EPB41L2: variants seen among roughly 807,000 people sequenced by gnomAD.
The protein encoded by EPB41L2 is erythrocyte membrane protein band 4.1 like 2, also known as band 4.1-like protein 2.
Under a neutral mutation model 113.0 loss-of-function variants are expected in EPB41L2, and 43 were observed. That is an observed-to-expected ratio of 0.38 (90% confidence interval 0.30 to 0.49). The LOEUF (loss-of-function observed/expected upper bound fraction) is 0.49. EPB41L2 is among the 20% of genes least tolerant of loss of function. The pLI is 0.95. For missense variants in EPB41L2, 1,147 were observed against 1,223.4 expected, an observed-to-expected ratio of 0.94 and a Z score of 0.93; for synonymous variants, 442 against 436.7, an observed-to-expected ratio of 1.01 and a Z score of -0.15.
chr6:130,931,846 G>A (rs537452950), intron 3 of EPB41L2, among the ~76,000 whole-genome samples: 4 of 151,958 alleles, frequency 2.6e-5, no homozygotes, highest in Admixed American at 1.3e-4. Context: ...TTAACAATAC[G>A]GAAGAAAAGT....
chr6:130,883,024 G>A (rs1456188621), intron 12 of EPB41L2: 1 of 152,686 alleles, frequency 6.5e-6, no homozygotes, highest in East Asian at 1.9e-4. Flanking sequence ...GCTCTAAGCT[G>A]TCTAGTGTGA....
chr6:130,853,760 G>A (rs1239666158), intron 19 of EPB41L2, among the ~76,000 whole-genome samples: 2 of 152,148 alleles, frequency 1.3e-5, no homozygotes, highest in East Asian at 3.9e-4. Flanking sequence ...ATCAGGTCAG[G>A]AGGAGAGCTT....
intron 1 of EPB41L2, among the ~76,000 whole-genome samples, chr6:131,011,096 C>T (rs554775761): frequency 2.2e-4 from 33 of 152,264 alleles, no homozygotes; most frequent in Middle Eastern, 3.4e-3. Flanking sequence ...CAAAATTTAG[C>T]GACTGGCTAT....
At chr6:130,902,452 A>G (rs1776591993) in intron 6 of EPB41L2, among the ~76,000 whole-genome samples, 1 of 152,222 alleles carries the variant, frequency 6.6e-6, no homozygotes, top group African/African-American at 2.4e-5. Context: ...GGCTTGCCAC[A>G]TGACAAGTGC....
intron 1 of EPB41L2, among the ~76,000 whole-genome samples, chr6:131,039,664 T>C (rs567681252): frequency 4.7e-4 from 72 of 152,328 alleles, no homozygotes; most frequent in African/African-American, 1.6e-3. Flanking sequence ...TAAATAAACA[T>C]ACTCCTTGCT....
intron 1 of EPB41L2, among the ~76,000 whole-genome samples, chr6:131,020,068 A>AT (rs1292178089): frequency 1.3e-5 from 2 of 151,968 alleles, no homozygotes; most frequent in African/African-American, 4.8e-5. Flanking sequence ...TTTTGCTGGT[A>AT]TTTTCAAAAG....
At chr6:130,989,235 C>A (rs1781277056) in intron 1 of EPB41L2, among the ~76,000 whole-genome samples, 1 of 152,202 alleles carries the variant, frequency 6.6e-6, no homozygotes, top group African/African-American at 2.4e-5. Context: ...CTTAGGTACA[C>A]ACACCTAATA....
chr6:130,995,626 C>A (rs6928920), intron 1 of EPB41L2, among the ~76,000 whole-genome samples: 42,708 of 152,222 alleles, frequency 0.28, 7,080 homozygotes, highest in Non-Finnish European at 0.37. Context: ...AACAAGCTTT[C>A]TAAATTGACT....
intron 15 of EPB41L2, chr6:130,868,528 T>C (rs1784636234): frequency 6.6e-6 from 1 of 152,230 alleles, no homozygotes; most frequent in Non-Finnish European, 1.5e-5. Flanking sequence ...ATATGTTAAA[T>C]ACAGAATAGT....
rs1479284592 is a variant in EPB41L2 at position 130,869,916 on chromosome 6, C to T, written c.2254G>A (p.Asp752Asn). ...SSSSSESEEE[D>N]VGEYRPHHRV... is the part of the protein sequence containing the mutation. ...TGGTGGGGACGGTACTCTCCCACGT[C>T]TTCCTCCTCACTCTCACTGCTGCTG... is the stretch of plus-strand genomic sequence containing the variant. The change falls in exon 15 of 20, where the codon GAC (aspartate) becomes AAC (asparagine). Residue 752 changes from aspartate to asparagine, a missense_variant. Asp to Asn is a conservative substitution (Grantham distance 23). Coordinates refer to ENST00000337057, the MANE Select transcript of EPB41L2 (RefSeq NM_001431.4). The T allele has an allele frequency of 1.3e-5, 21 of 1,612,658 alleles. 1 individual carries two copies. Among genetic ancestry groups the T allele is most frequent in the Non-Finnish European group, 1.8e-5 (21 of 1,179,902 alleles).
intron 1 of EPB41L2, among the ~76,000 whole-genome samples, chr6:130,980,810 T>C: frequency 6.6e-6 from 1 of 152,180 alleles, no homozygotes; most frequent in East Asian, 1.9e-4. Flanking sequence ...TTTAACACTA[T>C]AAGAAAAGTC....
At chr6:131,041,707 T>A (rs4897487) in intron 1 of EPB41L2, among the ~76,000 whole-genome samples, 42,633 of 151,582 alleles carry the variant, frequency 0.28, 7,065 homozygotes, top group Non-Finnish European at 0.37. Context: ...TTTCAACAAA[T>A]CAATTGAATA....
chr6:130,976,337 C>G (rs1336404000), intron 1 of EPB41L2, among the ~76,000 whole-genome samples: 2 of 152,222 alleles, frequency 1.3e-5, no homozygotes, highest in African/African-American at 2.4e-5. Flanking sequence ...CACAGTTTAA[C>G]TTCTCTCAGG....
At chr6:131,053,545 T>C (rs2128201749) in intron 1 of EPB41L2, among the ~76,000 whole-genome samples, 1 of 151,094 alleles carries the variant, frequency 6.6e-6, no homozygotes, top group African/African-American at 2.4e-5. Flanking sequence ...CCACAGCCCT[T>C]CGTATTTATT....
At chr6:130,946,787 C>G (rs1020742834) in intron 3 of EPB41L2, among the ~76,000 whole-genome samples, 1 of 151,952 alleles carries the variant, frequency 6.6e-6, no homozygotes, top group African/African-American at 2.4e-5. Flanking sequence ...AGATGTCAAA[C>G]AAAAATGCCC....
chr6:130,951,173 C>T (rs947305358), intron 3 of EPB41L2, among the ~76,000 whole-genome samples: 1 of 133,300 alleles, frequency 7.5e-6, no homozygotes, highest in Non-Finnish European at 1.6e-5. Context: ...AGGAAAATTG[C>T]TTGAACCCAG....
chr6:131,023,415 T>G (rs1006816729), intron 1 of EPB41L2, among the ~76,000 whole-genome samples: 1 of 152,210 alleles, frequency 6.6e-6, no homozygotes, highest in Non-Finnish European at 1.5e-5. Context: ...CTGGGCACGG[T>G]GGCTCACGCC....
chr6:130,956,128 C>T lies in EPB41L2; in HGVS notation c.358G>A (p.Glu120Lys). ...QVLDKEEPLP[E>K]EQRQAKGDAE... ...TCACCCTTAGCCTGTCTCTGTTCTT[C>T]TGGAAGGGGTTCCTCTTTATCTAAG... Residue 120 changes from glutamate (E) to lysine (K), a missense_variant, in exon 2 of 20, where the codon GAA (glutamate) becomes AAA (lysine). Transcript: ENST00000337057. 1 of 1,614,168 alleles carries T rather than the reference C, an allele frequency of 6.2e-7. No individual in the cohort carries two copies. Among genetic ancestry groups the T allele is most frequent in the South Asian group, 1.1e-5 (1 of 91,076 alleles).
At chr6:130,884,811 C>T (rs566157133) in intron 12 of EPB41L2, among the ~76,000 whole-genome samples, 8 of 152,276 alleles carry the variant, frequency 5.3e-5, no homozygotes, top group African/African-American at 1.9e-4. Flanking sequence ...TTCAAATCAT[C>T]ATAGCTTTTC....
Sources: gnomAD v4.1 joint callset for allele counts (sites outside exome capture counted in the v4.1 genomes callset) on GRCh38, gnomAD v4.1.1 for gene constraint, MANE v1.5 for transcripts, NCBI Gene and HGNC (gene_info 2026-07-23, HGNC 2026-07-21) for gene names.